MARCHF1: variants seen among roughly 807,000 people sequenced by gnomAD.
MARCHF1 encodes the protein E3 ubiquitin-protein ligase MARCHF1.
MARCHF1 carries 40 observed loss-of-function variants against 54.2 expected under a neutral mutation model. That is an observed-to-expected ratio of 0.74 (90% CI 0.57 to 0.96). The LOEUF is 0.96. Among genes scored for constraint, MARCHF1 ranks in the 40% least tolerant of loss-of-function variants. The pLI, the probability that MARCHF1 is intolerant of heterozygous loss-of-function variation, is 0.00. For synonymous variants in MARCHF1, 236 were observed against 236.3 expected, an observed-to-expected ratio of 1.00 and a Z score of 0.01; for missense variants, 586 against 656.5, an observed-to-expected ratio of 0.89 and a Z score of 1.17.
intron 1 of MARCHF1, among the ~76,000 whole-genome samples, chr4:164,332,181 CTT>C (rs1052160402): frequency 6.6e-6 from 1 of 152,112 alleles, no homozygotes; most frequent in Admixed American, 6.6e-5. Flanking sequence ...TCCGTCAGGT[CTT>C]TTTTATTTGT....
chr4:164,231,715 T>C (rs1732418317), intron 1 of MARCHF1, among the ~76,000 whole-genome samples: 1 of 152,130 alleles, frequency 6.6e-6, no homozygotes, highest in African/African-American at 2.4e-5. Context: ...CAGCCCAAAT[T>C]ATACATAAAT....
chr4:163,938,192 C>A (rs1751842055), intron 3 of MARCHF1, among the ~76,000 whole-genome samples: 1 of 152,068 alleles, frequency 6.6e-6, no homozygotes. Flanking sequence ...ACATAAGGAT[C>A]TTGGTCTTAG....
chr4:164,249,685 C>T (rs1485953493), intron 1 of MARCHF1, among the ~76,000 whole-genome samples: 1 of 149,702 alleles, frequency 6.7e-6, no homozygotes, highest in African/African-American at 2.5e-5. Flanking sequence ...TGCTAGGGGT[C>T]GGGGAGAACA....
At chr4:164,207,033 C>T (rs367970215) in intron 1 of MARCHF1, among the ~76,000 whole-genome samples, 11 of 152,118 alleles carry the variant, frequency 7.2e-5, no homozygotes, top group South Asian at 4.1e-4. Flanking sequence ...GAATTTACTA[C>T]GATGTAGGCA....
At chr4:164,289,607 C>T (rs1734238228) in intron 1 of MARCHF1, among the ~76,000 whole-genome samples, 2 of 141,602 alleles carry the variant, frequency 1.4e-5, no homozygotes, top group South Asian at 2.3e-4. Context: ...AAAAAAAAAC[C>T]TGTTCAAACC....
chr4:164,082,149 A>G (rs1486726167), intron 2 of MARCHF1, among the ~76,000 whole-genome samples: 1 of 152,194 alleles, frequency 6.6e-6, no homozygotes, highest in African/African-American at 2.4e-5. Flanking sequence ...ATACATGTTC[A>G]CTGTAAATAT....
At position 163,723,899 on chromosome 4, in the gene MARCHF1, A is replaced by G. The variant is rs532660848; in HGVS notation, c.112-23036T>C. On this transcript the variant is annotated intron_variant, in intron 4 of 9. Transcript: ENST00000514618. ...TCAGGTCATTTAAGGACTTCTCTAC[A>G]CTGGTTATTTTAGTTAGCCATTCGT... 1.8e-4 allele frequency among the ~76,000 whole-genome samples: 27 copies of G among 152,044 alleles called. No homozygotes were observed. In the East Asian group the frequency reaches 5.2e-3, roughly 29 times the overall value.
chr4:164,167,629 A>G (rs1730416050), intron 1 of MARCHF1, among the ~76,000 whole-genome samples: 1 of 151,880 alleles, frequency 6.6e-6, no homozygotes, highest in Non-Finnish European at 1.5e-5. Flanking sequence ...ATTCAAACAT[A>G]TAAGGGCAAT....
chr4:163,709,102 C>A (rs572070743), intron 4 of MARCHF1, among the ~76,000 whole-genome samples: 1 of 152,168 alleles, frequency 6.6e-6, no homozygotes, highest in South Asian at 2.1e-4. Context: ...CTATATATGT[C>A]TACATATTTA....
intron 1 of MARCHF1, among the ~76,000 whole-genome samples, chr4:164,311,281 T>C (rs76826441): frequency 2.8e-4 from 43 of 152,110 alleles, no homozygotes; most frequent in African/African-American, 9.6e-4. Context: ...AGGGTAATAC[T>C]GGGAAAAAAA....
intron 4 of MARCHF1, among the ~76,000 whole-genome samples, chr4:163,712,258 A>C (rs1222605652): frequency 6.6e-6 from 1 of 152,146 alleles, no homozygotes; most frequent in East Asian, 1.9e-4. Context: ...TTTTTTACTA[A>C]ATTCTGGAAT....
At chr4:164,284,713 T>C (rs571412436) in intron 1 of MARCHF1, among the ~76,000 whole-genome samples, 8 of 151,190 alleles carry the variant, frequency 5.3e-5, no homozygotes, top group South Asian at 4.2e-4. Context: ...ATTTACCTTA[T>C]ATGTTGAAAG....
At chr4:163,902,140 A>G (rs950872239) in intron 3 of MARCHF1, among the ~76,000 whole-genome samples, 7 of 152,180 alleles carry the variant, frequency 4.6e-5, no homozygotes, top group African/African-American at 1.7e-4. Flanking sequence ...ATACTTGACA[A>G]TATTCTACAA....
chr4:164,094,288 C>G (rs1405070271), intron 2 of MARCHF1, among the ~76,000 whole-genome samples: 3 of 152,012 alleles, frequency 2.0e-5, no homozygotes, highest in Non-Finnish European at 4.4e-5. Flanking sequence ...TGCCATGGGC[C>G]CAGGTTAGTG....
At chr4:163,770,687 T>G (rs1384559991) in intron 4 of MARCHF1, among the ~76,000 whole-genome samples, 1 of 152,118 alleles carries the variant, frequency 6.6e-6, no homozygotes, top group African/African-American at 2.4e-5. Context: ...AAGAGTGGCA[T>G]GCTATTCAGC....
chr4:164,080,616 T>G (rs1052647999), intron 2 of MARCHF1, among the ~76,000 whole-genome samples: 2 of 152,022 alleles, frequency 1.3e-5, no homozygotes, highest in African/African-American at 4.8e-5. Context: ...TATTATCTTA[T>G]GTGAATTTCA....
At chr4:163,984,422 T>C (rs1353602645) in intron 3 of MARCHF1, among the ~76,000 whole-genome samples, 1 of 152,194 alleles carries the variant, frequency 6.6e-6, no homozygotes, top group Non-Finnish European at 1.5e-5. Flanking sequence ...GTTTTGTTTT[T>C]CCCTCTTAAG....
At chr4:163,951,137 A>G (rs1752126967) in intron 3 of MARCHF1, among the ~76,000 whole-genome samples, 1 of 152,232 alleles carries the variant, frequency 6.6e-6, no homozygotes, top group African/African-American at 2.4e-5. Flanking sequence ...AGAAAAACTG[A>G]TATTAACAGA....
chr4:163,924,191 G>T (rs752827554), intron 3 of MARCHF1, among the ~76,000 whole-genome samples: 7 of 151,970 alleles, frequency 4.6e-5, no homozygotes. Flanking sequence ...ACTTAATGCT[G>T]CAAAAGCACA....
Sources: allele counts gnomAD v4.1 joint callset (sites outside exome capture counted in the v4.1 genomes callset), GRCh38; gene constraint gnomAD v4.1.1; transcripts MANE v1.5; gene names NCBI Gene and HGNC (gene_info 2026-07-23, HGNC 2026-07-21).